The following DEPDC1B variants were observed in gnomAD, a reference collection of about 807,000 sequenced individuals.
DEPDC1B encodes the protein DEP domain-containing protein 1B.
Under a neutral mutation model 66.5 loss-of-function variants are expected in DEPDC1B, and 51 were observed. The observed-to-expected ratio is 0.77, with a 90% CI of 0.61 to 0.97. The LOEUF (loss-of-function observed/expected upper bound fraction) is 0.97, where lower values mean the gene tolerates loss of function less well. Ranked by LOEUF, DEPDC1B falls within the 50% of genes least tolerant of loss-of-function variation. The pLI is 0.00. For synonymous variants in DEPDC1B, 226 were observed against 223.6 expected, an observed-to-expected ratio of 1.01 and a Z score of -0.10; for missense variants, 552 against 637.1, an observed-to-expected ratio of 0.87 and a Z score of 1.44.
chr5:60,677,320 ACACACACTCTCT>A (rs1277772919), intron 2 of DEPDC1B, among the ~76,000 whole-genome samples: 2 of 107,730 alleles, frequency 1.9e-5, no homozygotes, highest in Non-Finnish European at 3.6e-5. Flanking sequence ...ACACACACAC[ACACACACTCTCT>A]CTCTCTCTCT....
chr5:60,630,675 C>T (rs1029802251), intron 7 of DEPDC1B: 11 of 152,470 alleles, frequency 7.2e-5, no homozygotes, highest in Non-Finnish European at 2.9e-5. Flanking sequence ...CTGCACTCAA[C>T]CCACTCAGGA....
chr5:60,662,780 G>A (rs1218272623), intron 2 of DEPDC1B, among the ~76,000 whole-genome samples: 1 of 152,150 alleles, frequency 6.6e-6, no homozygotes, highest in African/African-American at 2.4e-5. Flanking sequence ...TCCAGGAGCA[G>A]GATTGAGGAT....
chr5:60,621,254 G>A (rs1291916362), intron 7 of DEPDC1B, among the ~76,000 whole-genome samples: 1 of 151,182 alleles, frequency 6.6e-6, no homozygotes, highest in Non-Finnish European at 1.5e-5. Flanking sequence ...AAACCTGCAT[G>A]TTGTGCACAT....
chr5:60,617,419 C>T (rs1752585515), intron 7 of DEPDC1B, among the ~76,000 whole-genome samples: 1 of 152,038 alleles, frequency 6.6e-6, no homozygotes, highest in Non-Finnish European at 1.5e-5. Context: ...CACACATAGG[C>T]TCAAATTAAA....
chr5:60,689,280 C>A (rs1424278264), intron 1 of DEPDC1B, among the ~76,000 whole-genome samples: 1 of 152,202 alleles, frequency 6.6e-6, no homozygotes, highest in East Asian at 1.9e-4. Context: ...AACTTCATGA[C>A]AATTCAGCTT....
chr5:60,629,398 T>C (rs576809794), intron 7 of DEPDC1B, among the ~76,000 whole-genome samples: 1 of 152,366 alleles, frequency 6.6e-6, no homozygotes, highest in South Asian at 2.1e-4. Context: ...AGTTGTATTT[T>C]ATTTTTTGAG....
In DEPDC1B at chr5:60,645,602, G is replaced by A. The variant is rs1297404238; in HGVS notation, c.468C>T (p.Tyr156=). The A allele has an allele frequency of 2.1e-5, 34 of 1,610,624 alleles. No individual in the cohort carries two copies. The highest frequency in any genetic ancestry group is 2.8e-5 in the Non-Finnish European group (33 of 1,178,630). Residue 156 remains tyrosine, a synonymous_variant, in exon 4 of 11, where the codon TAC becomes TAT. Coordinates refer to ENST00000265036, the MANE Select transcript of DEPDC1B (RefSeq NM_018369.3). The part of the protein sequence containing the change: ...RPVVMNSEMW[Y]KRHSIAIGEV... ...CTCCAATTGCAATACTGTGACGCTT[G>A]TACCACATCTCAGAATTCTAATGGA...
At chr5:60,660,520 C>A (rs1325172669) in intron 2 of DEPDC1B, among the ~76,000 whole-genome samples, 1 of 152,198 alleles carries the variant, frequency 6.6e-6, no homozygotes, top group Non-Finnish European at 1.5e-5. Flanking sequence ...CAACCCACAG[C>A]CTTCCTATCA....
intron 9 of DEPDC1B, among the ~76,000 whole-genome samples, chr5:60,602,988 T>C (rs969466810): frequency 1.1e-4 from 16 of 152,222 alleles, no homozygotes; most frequent in Non-Finnish European, 4.4e-5. Context: ...TCTGGCTCTG[T>C]GGCCTTAAGC....
At chr5:60,644,960 T>C in intron 4 of DEPDC1B, 85 bp from the exon 5 acceptor site, 1 of 1,091,448 alleles carries the variant, frequency 9.2e-7, no homozygotes, top group South Asian at 2.0e-5. Context: ...AATCAATCTT[T>C]ATAATGCTTT....
At chr5:60,685,256 C>T (rs952515516) in intron 2 of DEPDC1B, among the ~76,000 whole-genome samples, 19 of 152,262 alleles carry the variant, frequency 1.2e-4, no homozygotes, top group African/African-American at 4.3e-4. Flanking sequence ...AAGGCACGGG[C>T]ACCTTAACAA....
chr5:60,637,828 T>G (rs917287451), intron 7 of DEPDC1B, among the ~76,000 whole-genome samples: 6 of 152,228 alleles, frequency 3.9e-5, no homozygotes, highest in Non-Finnish European at 7.3e-5. Context: ...TATAAAAGCA[T>G]AAAATCCAAA....
intron 7 of DEPDC1B, among the ~76,000 whole-genome samples, chr5:60,612,421 TAA>T (rs564965370): frequency 4.9e-4 from 48 of 97,218 alleles, no homozygotes; most frequent in East Asian, 6.0e-4. Flanking sequence ...AGACTCCACC[TAA>T]AAAAAAAAAA....
intron 1 of DEPDC1B, among the ~76,000 whole-genome samples, chr5:60,690,895 CCTT>C (rs1456378116): frequency 6.6e-6 from 1 of 152,146 alleles, no homozygotes; most frequent in Non-Finnish European, 1.5e-5. Context: ...TGATGGCTAA[CCTT>C]CTCAGCCACA....
At position 60,697,060 on chromosome 5, in the gene DEPDC1B, A is replaced by C. The variant is rs544912419; in HGVS notation, c.48+2986T>G. ...CAGACCATATATATAACTCAGAATA[A>C]GTTCAAAGATTTAAGCAGTTTCTAG... On this transcript the variant is annotated intron_variant, in intron 1 of 10. Coordinates refer to ENST00000265036, the MANE Select transcript of DEPDC1B (RefSeq NM_018369.3). Among the ~76,000 whole-genome samples the C allele has an allele frequency of 3.3e-5, 5 of 152,316 alleles. No homozygotes were observed. In the South Asian group the frequency reaches 1.0e-3, roughly 32 times the overall value.
At chr5:60,677,320 ACACACACTCT>A (rs1337649663) in intron 2 of DEPDC1B, among the ~76,000 whole-genome samples, 4 of 107,730 alleles carry the variant, frequency 3.7e-5, no homozygotes, top group African/African-American at 2.1e-4. Flanking sequence ...ACACACACAC[ACACACACTCT>A]CTCTCTCTCT....
intron 2 of DEPDC1B, among the ~76,000 whole-genome samples, chr5:60,677,338 T>TA (rs1754190582): frequency 1.4e-5 from 2 of 144,866 alleles, no homozygotes; most frequent in African/African-American, 2.6e-5. Context: ...TCTCTCTCTC[T>TA]CTCTCTCTCT....
intron 2 of DEPDC1B, among the ~76,000 whole-genome samples, chr5:60,666,585 G>A (rs1753845906): frequency 6.6e-6 from 1 of 152,148 alleles, no homozygotes; most frequent in African/African-American, 2.4e-5. Context: ...GACTGGTACT[G>A]GGGAGTGTCT....
chr5:60,668,392 A>G (rs1753953137), intron 2 of DEPDC1B, among the ~76,000 whole-genome samples: 1 of 150,486 alleles, frequency 6.6e-6, no homozygotes, highest in African/African-American at 2.4e-5. Flanking sequence ...GTCCTGCCTC[A>G]GCCTCCCAAG....
Sources: gnomAD v4.1 joint callset for allele counts (sites outside exome capture counted in the v4.1 genomes callset) on GRCh38, gnomAD v4.1.1 for gene constraint, MANE v1.5 for transcripts, NCBI Gene and HGNC (gene_info 2026-07-23, HGNC 2026-07-21) for gene names.